The following DHX34 variants were observed in gnomAD, a reference collection of about 807,000 sequenced individuals.
DHX34 encodes DExH-box helicase 34.
A neutral mutation model predicts 111.1 loss-of-function variants in DHX34; 96 were observed. The observed-to-expected ratio is 0.86, with a 90% CI of 0.73 to 1.02. The LOEUF (loss-of-function observed/expected upper bound fraction) is 1.02. DHX34 is among the 50% of genes least tolerant of loss of function. The pLI is 0.00. For synonymous variants in DHX34, 688 were observed against 670.4 expected (o/e 1.03, Z -0.41); for missense variants, 1,560 against 1,579.9 (o/e 0.99, Z 0.21).
At chr19:47,378,626 T>C (rs938195415) in intron 13 of DHX34, among the ~76,000 whole-genome samples, 2 of 152,110 alleles carry the variant, frequency 1.3e-5, no homozygotes, top group African/African-American at 4.8e-5. Flanking sequence ...GCCCAGGAGT[T>C]CAAAGGCAGC....
In DHX34 at chr19:47,380,939, C is replaced by G. The variant is rs996378752; in HGVS notation, c.3106C>G (p.Pro1036Ala). ...LFGSSTLSPH[P>A]TKGGYAVTDF... is the part of the protein sequence containing the mutation. ...TGGCAGCTCCACCCTGTCCCCCCAC[C>G]CCACAAAGGGGGGCTACGCAGTCAC... is the stretch of plus-strand genomic sequence containing the variant. Residue 1036 changes from proline to alanine, a missense_variant, in exon 15 of 17, where the codon CCC becomes GCC. Pro to Ala is a conservative substitution (Grantham distance 27). Transcript: ENST00000328771. The G allele has an allele frequency of 1.2e-6, 2 of 1,607,426 alleles. No individual in the cohort carries two copies.
rs903106077 is a variant in DHX34 at position 47,357,981 on chromosome 19, G to A, written c.1133G>A (p.Arg378Gln). 12 of 1,613,946 alleles carry A rather than the reference G, an allele frequency of 7.4e-6. No homozygotes were observed. Among genetic ancestry groups the A allele is most frequent in the Middle Eastern group, 1.7e-4 (1 of 6,058 alleles). Residue 378 changes from arginine (R) to glutamine (Q), a missense_variant, in exon 4 of 17, where the codon CGG becomes CAG. Arg to Gln is a conservative substitution (Grantham distance 43, BLOSUM62 1). Transcript: ENST00000328771. Reference protein sequence around the residue: ...SIDHKYPPEERGDLLVFLSGM... With the variant: ...SIDHKYPPEEQGDLLVFLSGM... ...GACCACAAGTACCCGCCTGAGGAGC[G>A]GGGTGACCTCCTCGTCTTCCTCAGC...
At position 47,367,022 on chromosome 19, in the gene DHX34, C is replaced by T. The variant is rs1023183436; in HGVS notation, c.1635C>T (p.Phe545=). ...MSVGDPRTFP[F]IEPPPPASLE... is the part of the protein sequence containing the mutation. ...TGGGGGACCCCCGAACCTTCCCCTT[C>T]ATCGAGCCCCCACCACCAGCCAGCC... Residue 545 remains phenylalanine (F), a synonymous_variant, in exon 7 of 17, where the codon TTC becomes TTT. Coordinates refer to ENST00000328771, the MANE Select transcript of DHX34 (RefSeq NM_014681.6). The T allele has an allele frequency of 6.3e-7, 1 of 1,585,724 alleles. No individual in the cohort carries two copies. Among genetic ancestry groups the T allele is most frequent in the Non-Finnish European group, 8.6e-7 (1 of 1,167,128 alleles).
At chr19:47,376,884 C>T in intron 12 of DHX34, 1 of 1,533,884 alleles carries the variant, frequency 6.5e-7, no homozygotes, top group Non-Finnish European at 8.7e-7. Flanking sequence ...CCCCCTGGCA[C>T]CCGTGTGCAT....
At position 47,373,444 on chromosome 19, in the gene DHX34, G is replaced by A. The variant is rs140762030; in HGVS notation, c.1963-155G>A. The A allele has an allele frequency of 1.2e-4, 121 of 982,274 alleles. No homozygotes were observed. In the African/African-American group the frequency reaches 2.0e-3, roughly 16 times the overall value. 60.8% of individuals were successfully genotyped at this position (982,274 alleles called of 1,614,324 possible). The stretch of plus-strand genomic sequence containing the variant: ...CCCAGTTTGTGGGTAGTCTGGGAGG[G>A]CTTCCCATAGGAGGGGGCACTGGGG... On this transcript the variant is annotated intron_variant, in intron 8 of 16. Transcript: ENST00000328771.
chr19:47,370,100 A>T (rs1398321907), intron 7 of DHX34, among the ~76,000 whole-genome samples: 1 of 152,120 alleles, frequency 6.6e-6, no homozygotes, highest in Non-Finnish European at 1.5e-5. Flanking sequence ...AGATGCCACC[A>T]CCAGAGGCTG....
intron 16 of DHX34, 131 bp downstream of exon 16, chr19:47,381,455 G>C (rs1187213344): frequency 7.4e-7 from 1 of 1,343,254 alleles, no homozygotes. Context: ...GCCCTGGCTG[G>C]TGCCACACAC....
rs1003943253 is a variant in DHX34 at position 47,372,871 on chromosome 19, G to A, written c.1910G>A (p.Ser637Asn). ...ECAAARRPLE[S>N]DQGDPFTLFN... is the part of the protein sequence containing the mutation. ...GCGGCAGCACGGCGGCCGCTGGAGA[G>A]CGACCAGGGTGACCCCTTCACGCTC... is the stretch of plus-strand genomic sequence containing the variant. Residue 637 changes from serine to asparagine, a missense_variant, in exon 8 of 17, where the codon AGC becomes AAC. Physicochemically the swap from Ser to Asn is conservative, Grantham distance 46. Transcript: ENST00000328771. The A allele has an allele frequency of 6.2e-7, 1 of 1,610,314 alleles. No homozygotes were observed. The highest frequency in any genetic ancestry group is 1.7e-5 in the Admixed American group (1 of 59,938).
chr19:47,360,345 A>C (rs531329755), intron 5 of DHX34, among the ~76,000 whole-genome samples: 1 of 152,180 alleles, frequency 6.6e-6, no homozygotes, highest in African/African-American at 2.4e-5. Context: ...GTTAGTGCTG[A>C]AAACATTTCA....
chr19:47,373,095 G>A (rs574404139), intron 8 of DHX34, among the ~76,000 whole-genome samples, 172 bp downstream of exon 8: 2 of 152,356 alleles, frequency 1.3e-5, no homozygotes, highest in South Asian at 2.1e-4. Flanking sequence ...CCATGCTTTC[G>A]GCTCAGGACA....
intron 7 of DHX34, among the ~76,000 whole-genome samples, chr19:47,367,543 A>G (rs1969829023): frequency 6.6e-6 from 1 of 152,144 alleles, no homozygotes; most frequent in African/African-American, 2.4e-5. Context: ...GTGCAGAGAA[A>G]TGGAGATGAG....
chr19:47,354,636 C>T (rs140627492), intron 2 of DHX34, among the ~76,000 whole-genome samples: 1 of 152,082 alleles, frequency 6.6e-6, no homozygotes, highest in East Asian at 1.9e-4. Flanking sequence ...ATGGTATTTG[C>T]TTAGATTTTC....
chr19:47,356,651 G>A (rs117937178), intron 3 of DHX34, among the ~76,000 whole-genome samples: 5,140 of 151,090 alleles, frequency 0.034, 95 homozygotes, highest in Non-Finnish European at 0.048. Context: ...AGAAAGAAAA[G>A]AAAGAGAGAG....
chr19:47,377,293 G>GAGGGGCCACCTGGCACC (rs1970199111), intron 13 of DHX34, 87 bp downstream of exon 13: 1 of 1,412,590 alleles, frequency 7.1e-7, no homozygotes, highest in Admixed American at 2.1e-5. Flanking sequence ...CGTGGGCTTG[G>GAGGGGCCACCTGGCACC]AGGGGCCACC....
chr19:47,378,252 G>A (rs995407095), intron 13 of DHX34, among the ~76,000 whole-genome samples: 6 of 152,176 alleles, frequency 3.9e-5, no homozygotes, highest in African/African-American at 7.2e-5. Context: ...ACTTCTGTGT[G>A]TGTCCACACC....
intron 3 of DHX34, 182 bp from the exon 4 acceptor site, chr19:47,357,684 G>A (rs1022996273): frequency 2.2e-5 from 20 of 928,086 alleles, no homozygotes; most frequent in Non-Finnish European, 3.9e-6. Context: ...GGCATAATGA[G>A]AAAGGAGAAG....
At chr19:47,373,784 A>G (rs2547380) in intron 9 of DHX34, 84 bp downstream of exon 9, 99,312 of 1,509,504 alleles carry the variant, frequency 0.066, 4,546 homozygotes, top group African/African-American at 0.23. Flanking sequence ...TCCCCTTCCC[A>G]GACAGTGGTC....
chr19:47,374,414 G>A (rs796650759), intron 9 of DHX34, among the ~76,000 whole-genome samples: 8 of 140,870 alleles, frequency 5.7e-5, no homozygotes, highest in African/African-American at 2.2e-4. Flanking sequence ...TCCAGCCTGG[G>A]CAACAAGAGC....
intron 5 of DHX34, 123 bp downstream of exon 5, chr19:47,360,193 A>G (rs1969587024): frequency 7.2e-6 from 6 of 837,512 alleles, no homozygotes; most frequent in Middle Eastern, 3.0e-4. Context: ...ACTTTCCCAT[A>G]TCCAAAATGC....
Sources: gnomAD v4.1 joint callset for allele counts (sites outside exome capture counted in the v4.1 genomes callset) on GRCh38, gnomAD v4.1.1 for gene constraint, MANE v1.5 for transcripts, NCBI Gene and HGNC (gene_info 2026-07-23, HGNC 2026-07-21) for gene names.